The following ATF7IP variants were observed in gnomAD, a reference collection of about 807,000 sequenced individuals.
ATF7IP encodes activating transcription factor 7 interacting protein.
In ATF7IP, 23 loss-of-function variants were observed where a neutral mutation model predicts 106.4. The ratio of observed to expected loss-of-function variants is 0.22; its 90% CI spans 0.16 to 0.31. ATF7IP has a LOEUF of 0.31. ATF7IP is among the 10% of genes least tolerant of loss of function. The pLI is 1.00. For missense variants in ATF7IP, 1,334 were observed against 1,524.3 expected (o/e 0.88, Z 2.08); for synonymous variants, 542 against 539.0 (o/e 1.01, Z -0.08).
rs752420704 is a variant in ATF7IP, at chr12:14,424,440, C to G, written c.525C>G (p.Thr175=). The change falls in exon 2 of 15, where the codon ACC becomes ACG. Residue 175 remains threonine (T), a synonymous_variant. Coordinates refer to ENST00000261168, the MANE Select transcript of ATF7IP (RefSeq NM_018179.5). The part of the protein sequence containing the change: ...SSSDAASGDA[T]SGDAPSGDVS... ...GTGATGCTGCCTCTGGTGATGCAAC[C>G]TCTGGTGATGCCCCTTCTGGTGATG... The G allele has an allele frequency of 1.2e-6, 2 of 1,613,296 alleles. No individual in the cohort carries two copies. Among genetic ancestry groups the G allele is most frequent in the African/African-American group, 2.7e-5 (2 of 74,738 alleles).
At chr12:14,468,618 C>T (rs1445337144) in intron 10 of ATF7IP, among the ~76,000 whole-genome samples, 2 of 152,078 alleles carry the variant, frequency 1.3e-5, no homozygotes, top group African/African-American at 4.8e-5. Context: ...AATTTAATAT[C>T]TGAGTATAAA....
intron 1 of ATF7IP, among the ~76,000 whole-genome samples, chr12:14,407,508 C>G (rs184919690): frequency 2.0e-5 from 3 of 151,938 alleles, no homozygotes; most frequent in Non-Finnish European, 4.4e-5. Context: ...GAATTAAAAT[C>G]CACTCCATAA....
Position 14,370,776 on chromosome 12 carries a change from A to G in ATF7IP, c.-8+4949A>G, listed in dbSNP as rs574763556. On this transcript the variant is annotated intron_variant, in intron 1 of 14. Transcript: ENST00000261168. The stretch of plus-strand genomic sequence containing the variant: ...ATATAAGGTTATATTTCTGTTTTCA[A>G]TCTGGTTTAGGACATGATGACATAA... Among the ~76,000 whole-genome samples, 23 of 152,276 alleles carry G rather than the reference A, an allele frequency of 1.5e-4. 1 individual carries two copies. In the South Asian group the frequency reaches 3.1e-3, roughly 21 times the overall value.
intron 2 of ATF7IP, among the ~76,000 whole-genome samples, chr12:14,427,254 C>T (rs2136567353): frequency 6.6e-6 from 1 of 152,062 alleles, no homozygotes; most frequent in African/African-American, 2.4e-5. Context: ...CCCAGAGTAC[C>T]TGGGAATACA....
Position 14,424,983 on chromosome 12 carries a change from T to C in ATF7IP, c.1068T>C (p.Asp356=), listed in dbSNP as rs762704317. ...DANEETLETD[D]TTICSDRPPE... is the part of the protein sequence containing the mutation. ...ATGAAGAAACTCTAGAAACAGATGA[T>C]ACAACTATTTGTTCAGATCGACCTC... The change falls in exon 2 of 15, where the codon GAT becomes GAC. Residue 356 remains aspartate, a synonymous_variant. Coordinates refer to ENST00000261168, the MANE Select transcript of ATF7IP (RefSeq NM_018179.5). The C allele has an allele frequency of 2.5e-6, 4 of 1,610,678 alleles. No individual in the cohort carries two copies. The South Asian group carries it at 4.4e-5, about 18-fold the overall frequency.
At chr12:14,401,523 T>G (rs1940194606) in intron 1 of ATF7IP, among the ~76,000 whole-genome samples, 1 of 151,938 alleles carries the variant, frequency 6.6e-6, no homozygotes, top group Non-Finnish European at 1.5e-5. Context: ...GATGCTTCTC[T>G]GTCATAGTTA....
chr12:14,491,286 A>G (rs577663824), intron 13 of ATF7IP, among the ~76,000 whole-genome samples: 1 of 152,238 alleles, frequency 6.6e-6, no homozygotes, highest in African/African-American at 2.4e-5. Context: ...TGCCTCCAAC[A>G]TCCAAATAGG....
At chr12:14,467,203 A>G (rs1049374095) in intron 10 of ATF7IP, among the ~76,000 whole-genome samples, 10 of 152,012 alleles carry the variant, frequency 6.6e-5, no homozygotes, top group Admixed American at 5.9e-4. Flanking sequence ...TAGATTGTTG[A>G]TAGTTTTATT....
At chr12:14,442,503 G>C (rs1942758869) in intron 5 of ATF7IP, among the ~76,000 whole-genome samples, 1 of 152,172 alleles carries the variant, frequency 6.6e-6, no homozygotes, top group Non-Finnish European at 1.5e-5. Context: ...AAGATCATGA[G>C]AGGAGTTTGT....
intron 6 of ATF7IP, among the ~76,000 whole-genome samples, chr12:14,454,219 A>T (rs565524171): frequency 6.6e-6 from 1 of 152,030 alleles, no homozygotes; most frequent in South Asian, 2.1e-4. Context: ...GTACTCTTCC[A>T]TCTGAAGAGG....
chr12:14,446,758 A>G (rs1942979288), intron 5 of ATF7IP, among the ~76,000 whole-genome samples: 1 of 152,214 alleles, frequency 6.6e-6, no homozygotes. Flanking sequence ...AGGCTAACCT[A>G]ATTAAGAGTG....
intron 2 of ATF7IP, among the ~76,000 whole-genome samples, chr12:14,431,190 A>G (rs1345260622): frequency 2.0e-5 from 3 of 152,176 alleles, no homozygotes; most frequent in Admixed American, 6.5e-5. Context: ...TGTCTCAGCT[A>G]TTTCTCAAAG....
At chr12:14,452,562 C>A (rs1943246712) in intron 6 of ATF7IP, among the ~76,000 whole-genome samples, 1 of 152,122 alleles carries the variant, frequency 6.6e-6, no homozygotes, top group East Asian at 1.9e-4. Context: ...CCTAAAGTTA[C>A]AACTGTCTAT....
intron 1 of ATF7IP, among the ~76,000 whole-genome samples, chr12:14,382,283 C>A (rs1252027164): frequency 1.3e-5 from 2 of 152,178 alleles, no homozygotes; most frequent in African/African-American, 4.8e-5. Context: ...GTTTACTGAA[C>A]ATTAGAAATT....
At chr12:14,391,429 G>GC (rs1285936500) in intron 1 of ATF7IP, among the ~76,000 whole-genome samples, 1 of 152,160 alleles carries the variant, frequency 6.6e-6, no homozygotes, top group Non-Finnish European at 1.5e-5. Flanking sequence ...CTGTACCATG[G>GC]CATACATAGT....
chr12:14,471,565 T>C (rs1944046246), intron 10 of ATF7IP, among the ~76,000 whole-genome samples: 1 of 151,966 alleles, frequency 6.6e-6, no homozygotes, highest in Non-Finnish European at 1.5e-5. Flanking sequence ...AAGAAAAAAG[T>C]TTAATTGAGT....
chr12:14,470,025 G>C (rs1303454293), intron 10 of ATF7IP, among the ~76,000 whole-genome samples: 2 of 152,164 alleles, frequency 1.3e-5, no homozygotes, highest in Non-Finnish European at 2.9e-5. Flanking sequence ...TGAAACCCAA[G>C]TGTACATCAT....
intron 4 of ATF7IP, among the ~76,000 whole-genome samples, chr12:14,437,778 G>A (rs1210673218): frequency 6.6e-6 from 1 of 152,202 alleles, no homozygotes; most frequent in Non-Finnish European, 1.5e-5. Flanking sequence ...TACTGGCCGG[G>A]CGCGGTGGCT....
rs748900473 is a variant in ATF7IP, at chr12:14,460,972, A to G, written c.2636A>G (p.His879Arg). The change falls in exon 9 of 15, where the codon CAC becomes CGC. Residue 879 changes from histidine to arginine, a missense_variant. By Grantham distance (29) the His-to-Arg change is conservative. This residue lies in a region of ATF7IP where 370 missense variants were observed against 401.2 expected (regional missense o/e 0.92). Transcript: ENST00000261168. ...TLAVQAVPTAHSIVQATRTSL... is the reference protein window; with the variant it reads ...TLAVQAVPTARSIVQATRTSL... The stretch of plus-strand genomic sequence containing the variant: ...GCTGTGCAGGCTGTTCCAACAGCAC[A>G]CTCTATTGTACAAGCCACAAGGACT... The G allele has an allele frequency of 4.3e-6, 7 of 1,613,760 alleles. No individual in the cohort carries two copies. In the South Asian group the frequency reaches 6.6e-5, roughly 15 times the overall value.
Sources: allele counts gnomAD v4.1 joint callset (sites outside exome capture counted in the v4.1 genomes callset), GRCh38; gene constraint gnomAD v4.1.1; regional missense constraint gnomAD v4.1.1; transcripts MANE v1.5; gene names NCBI Gene and HGNC (gene_info 2026-07-23, HGNC 2026-07-21).